The following UGT1A4 variants were observed in gnomAD, a reference collection of about 807,000 sequenced individuals.
UGT1A4 encodes UDP glucuronosyltransferase family 1 member A4, also known as UDP-glucuronosyltransferase 1A4.
Under a neutral mutation model 41.1 loss-of-function variants are expected in UGT1A4, and 32 were observed. The ratio of observed to expected loss-of-function variants is 0.78; its 90% CI spans 0.59 to 1.05. The LOEUF (loss-of-function observed/expected upper bound fraction) is 1.05. Among genes scored for constraint, UGT1A4 ranks in the 50% least tolerant of loss-of-function variants. The pLI, the probability that UGT1A4 is intolerant of heterozygous loss-of-function variation, is 0.00. For missense variants in UGT1A4, 748 were observed against 677.4 expected, an observed-to-expected ratio of 1.10 and a Z score of -1.16; for synonymous variants, 283 against 265.1, an observed-to-expected ratio of 1.07 and a Z score of -0.66.
chr2:233,752,828 G>A (rs1490866315), intron 1 of UGT1A4, among the ~76,000 whole-genome samples: 1 of 152,172 alleles, frequency 6.6e-6, no homozygotes, highest in Non-Finnish European at 1.5e-5. Context: ...TATGACATCA[G>A]TAATCTAGGA....
rs1314284418 is a variant in UGT1A4 at position 233,719,706 on chromosome 2, A to G, written c.867+19A>G. On this transcript the variant is annotated intron_variant, in intron 1 of 4. Coordinates refer to ENST00000373409, the MANE Select transcript of UGT1A4 (RefSeq NM_007120.3). ...ATCTCAGGTCTGTATTGGTGCCTTC[A>G]TCCAATCAATGTTCCAGGCAAAACA... The G allele has an allele frequency of 2.5e-6, 4 of 1,614,008 alleles. No individual in the cohort carries two copies. Among genetic ancestry groups the G allele is most frequent in the Non-Finnish European group, 3.4e-6 (4 of 1,179,914 alleles).
chr2:233,761,169 A>C, intron 1 of UGT1A4: 1 of 1,614,188 alleles, frequency 6.2e-7, no homozygotes, highest in Non-Finnish European at 8.5e-7. Flanking sequence ...TTGGAGTGGG[A>C]CTTTTACATG....
chr2:233,729,484 A>C, intron 1 of UGT1A4: 1 of 1,614,190 alleles, frequency 6.2e-7, no homozygotes, highest in Non-Finnish European at 8.5e-7. Context: ...GTTGAACAAT[A>C]TGTCTTTGGT....
intron 1 of UGT1A4, among the ~76,000 whole-genome samples, chr2:233,749,291 C>G (rs28900384): frequency 0.034 from 5,146 of 151,834 alleles, 168 homozygotes; most frequent in African/African-American, 0.052. Context: ...TGTAGTTATT[C>G]AATTATAAAA....
intron 1 of UGT1A4, among the ~76,000 whole-genome samples, chr2:233,756,671 T>G (rs1269369831): frequency 6.6e-6 from 1 of 152,214 alleles, no homozygotes; most frequent in Admixed American, 6.5e-5. Flanking sequence ...TTATTTCCGC[T>G]AGAACTGCTA....
Position 233,768,265 on chromosome 2 carries a change from G to T in UGT1A4, c.1133G>T (p.Gly378Val), listed in dbSNP as rs1283652721. Residue 378 changes from glycine to valine, a missense_variant, in exon 4 of 5, where the codon GGT becomes GTT. By Grantham distance (109) the Gly-to-Val change is moderately radical. Transcript: ENST00000373409. The part of the protein sequence containing the change: ...RAFITHAGSH[G>V]VYESICNGVP... ...TTTATCACCCATGCTGGTTCCCATGGTGTTTATGAAAGCATATGCAATGGC... is the reference window on the plus strand; with the variant it reads ...TTTATCACCCATGCTGGTTCCCATGTTGTTTATGAAAGCATATGCAATGGC... 5.0e-6 allele frequency: 8 copies of T among 1,614,030 alleles called. No individual in the cohort carries two copies. The highest frequency in any genetic ancestry group is 6.8e-6 in the Non-Finnish European group (8 of 1,180,030).
intron 1 of UGT1A4, chr2:233,743,409 A>G: frequency 7.6e-7 from 1 of 1,312,950 alleles, no homozygotes; most frequent in Non-Finnish European, 1.0e-6. Context: ...AAAGGCCCCC[A>G]CTTCCCAGGG....
chr2:233,724,193 GC>G lies in UGT1A4; in HGVS notation c.867+4507del, dbSNP rs1291443847. Among the ~76,000 whole-genome samples, 375 of 129,962 alleles carry G rather than the reference GC, an allele frequency of 2.9e-3. 2 individuals are homozygous for G. Among genetic ancestry groups the G allele is most frequent in the African/African-American group, 0.011 (348 of 31,006 alleles). The allele number at this position is 129,962 out of a possible 152,430, so 85.3% of individuals were successfully genotyped here. ...CCCCATCTCCCTCCCGGACGGGGTG[GC>G]TGGCCGGGCTGAGGGGCTCCTCACT... On this transcript the variant is annotated intron_variant, in intron 1 of 4. Coordinates refer to ENST00000373409, the MANE Select transcript of UGT1A4 (RefSeq NM_007120.3).
intron 1 of UGT1A4, chr2:233,748,060 A>T: frequency 1.9e-6 from 3 of 1,613,406 alleles, no homozygotes; most frequent in Non-Finnish European, 2.5e-6. Flanking sequence ...AACTGTGCCA[A>T]CAGGAAGCCA....
In UGT1A4 at chr2:233,719,196, A is replaced by T. The variant is rs1343607687; in HGVS notation, c.376A>T (p.Arg126Trp). 6.2e-7 allele frequency: 1 copy of T among 1,614,214 alleles called. No individual in the cohort carries two copies. Among genetic ancestry groups the T allele is most frequent in the Non-Finnish European group, 8.5e-7 (1 of 1,180,048 alleles). Residue 126 changes from arginine to tryptophan, a missense_variant, in exon 1 of 5, where the codon AGG becomes TGG. Physicochemically the swap from Arg to Trp is moderately radical, Grantham distance 101 (BLOSUM62 -3). Coordinates refer to ENST00000373409, the MANE Select transcript of UGT1A4 (RefSeq NM_007120.3). Reference protein sequence around the residue: ...IMNNVSLALHRCCVELLHNEA... With the variant: ...IMNNVSLALHWCCVELLHNEA... The stretch of plus-strand genomic sequence containing the variant: ...GAACAATGTATCTTTGGCCCTTCAT[A>T]GGTGTTGTGTGGAGCTACTGCATAA...
Position 233,769,857 on chromosome 2 carries a change from CAAAAAA to C in UGT1A4, c.1307+1430_1307+1435del. 2.7e-5 allele frequency: 6 copies of C among 223,658 alleles called. No homozygotes were observed. Among genetic ancestry groups the C allele is most frequent in the Non-Finnish European group, 3.2e-5 (4 of 125,112 alleles). The allele number at this position is 223,658 out of a possible 1,614,324, so 13.9% of individuals were successfully genotyped here. On this transcript the variant is annotated intron_variant, in intron 4 of 4. Transcript: ENST00000373409. This position sits in a 1 kb window ranked among gnomAD's most constrained non-coding sequence, Gnocchi z 4.4. ...TGGGCAACAGAGTGAGACCCTGTCT[CAAAAAA>C]AAAAAAAAAAATGAAAAGTCCACAT...
chr2:233,743,499 G>A (rs1692319680), intron 1 of UGT1A4: 1 of 1,367,148 alleles, frequency 7.3e-7, no homozygotes, highest in African/African-American at 1.5e-5. Context: ...CAGAGAAAAG[G>A]GGTGCAGACG....
rs927905587 is a variant in UGT1A4 at position 233,772,883 on chromosome 2, C to G, written c.*324C>G. The G allele has an allele frequency of 7.2e-6, 4 of 557,122 alleles. No homozygotes were observed. Among genetic ancestry groups the G allele is most frequent in the Admixed American group, 7.5e-5 (2 of 26,828 alleles). 34.5% of individuals were successfully genotyped at this position (557,122 alleles called of 1,614,324 possible). Reference sequence around the variant, plus strand: ...ATGGCCTGTTTGGGAGTGCGGGATTCAAAGGTGGTCCCACGGCTGCCCCTA... The same window carrying G: ...ATGGCCTGTTTGGGAGTGCGGGATTGAAAGGTGGTCCCACGGCTGCCCCTA... On this transcript the variant is annotated 3_prime_UTR_variant, in exon 5 of 5. Transcript: ENST00000373409.
At chr2:233,751,564 T>G (rs1694753266) in intron 1 of UGT1A4, among the ~76,000 whole-genome samples, 2 of 152,188 alleles carry the variant, frequency 1.3e-5, no homozygotes, top group Non-Finnish European at 2.9e-5. Context: ...CATCTCAAAT[T>G]GTAATCTCCA....
intron 1 of UGT1A4, chr2:233,721,796 C>T (rs1393362336): frequency 5.8e-6 from 3 of 513,526 alleles, no homozygotes; most frequent in African/African-American, 3.9e-5. Context: ...TTTTAAAGCA[C>T]ATGCAGCAAA....
intron 1 of UGT1A4, among the ~76,000 whole-genome samples, chr2:233,733,638 G>T (rs913820039): frequency 6.6e-6 from 1 of 152,200 alleles, no homozygotes; most frequent in East Asian, 1.9e-4. Flanking sequence ...AACCAGCCTT[G>T]CATCCCAAGG....
In UGT1A4 at chr2:233,718,966, G is replaced by C. The variant is rs201968211; in HGVS notation, c.146G>C (p.Arg49Pro). Residue 49 changes from arginine (R) to proline (P), a missense_variant, in exon 1 of 5, where the codon CGG (arginine) becomes CCG (proline). Physicochemically the swap from Arg to Pro is moderately radical, Grantham distance 103. Transcript: ENST00000373409. ...SPWLSMREAL[R>P]ELHARGHQAV... is the part of the protein sequence containing the mutation. ...TGGCTCAGCATGCGGGAGGCCTTGC[G>C]GGAGCTCCATGCCAGAGGCCACCAG... The C allele has an allele frequency of 1.2e-6, 2 of 1,614,188 alleles. No individual in the cohort carries two copies. The highest frequency in any genetic ancestry group is 2.2e-5 in the South Asian group (2 of 91,080).
chr2:233,734,579 T>C (rs1163010771), intron 1 of UGT1A4, among the ~76,000 whole-genome samples: 20 of 152,230 alleles, frequency 1.3e-4, no homozygotes, highest in Non-Finnish European at 2.9e-5. Context: ...TTGCTCTTGC[T>C]TATCTAGTTC....
At chr2:233,770,225 G>C (rs747501170) in intron 4 of UGT1A4, 1 of 152,132 alleles carries the variant, frequency 6.6e-6, no homozygotes, top group Admixed American at 6.5e-5. Flanking sequence ...CTGTCTGATT[G>C]TGAATCTCCA....
Sources: gnomAD v4.1 joint callset for allele counts (sites outside exome capture counted in the v4.1 genomes callset) on GRCh38, gnomAD v4.1.1 for gene constraint, Gnocchi (gnomAD v3.1) non-coding constraint, MANE v1.5 for transcripts, NCBI Gene and HGNC (gene_info 2026-07-23, HGNC 2026-07-21) for gene names.